RUNDC1: variants seen among roughly 807,000 people sequenced by gnomAD.
The protein encoded by RUNDC1 is RUN domain-containing protein 1.
A neutral mutation model predicts 49.3 loss-of-function variants in RUNDC1; 31 were observed. The observed-to-expected ratio is 0.63, with a 90% CI of 0.47 to 0.85. The LOEUF (loss-of-function observed/expected upper bound fraction) is 0.85. RUNDC1 is among the 40% of genes least tolerant of loss of function. The probability of loss-of-function intolerance (pLI) is 0.00; values close to 1 mark genes in which losing one functional copy is unlikely to be tolerated. For missense variants in RUNDC1, 715 were observed against 806.7 expected, an observed-to-expected ratio of 0.89 and a Z score of 1.38; for synonymous variants, 347 against 348.6, an observed-to-expected ratio of 1.00 and a Z score of 0.05.
In RUNDC1 at chr17:42,991,679, C is replaced by T; in HGVS notation, c.1805C>T (p.Ala602Val). ...SLKFSLPVDL[A>V]VRQLKNIKDA... ...AAGTTTAGCCTCCCTGTAGATCTGG[C>T]TGTGCGCCAGCTCAAAAACATCAAA... Residue 602 changes from alanine to valine, a missense_variant, in exon 5 of 5, where the codon GCT becomes GTT. This residue lies in a region of RUNDC1 where 425 missense variants were observed against 499.7 expected (regional missense o/e 0.85). Transcript: ENST00000361677. The T allele has an allele frequency of 1.2e-6, 2 of 1,613,552 alleles. No individual in the cohort carries two copies.
At chr17:42,984,889 C>CTTTTTTTTTTTTTTTTTTTTTTTT (rs56228523) in intron 1 of RUNDC1, among the ~76,000 whole-genome samples, 8 of 65,314 alleles carry the variant, frequency 1.2e-4, no homozygotes, top group Admixed American at 2.3e-4. Flanking sequence ...TTCTTTCTTT[C>CTTTTTTTTTTTTTTTTTTTTTTTT]TTTTTTTTTT....
chr17:42,986,450 A>G (rs1233763505), intron 1 of RUNDC1, among the ~76,000 whole-genome samples: 1 of 151,938 alleles, frequency 6.6e-6, no homozygotes, highest in Non-Finnish European at 1.5e-5. Context: ...GAAGTGGTCT[A>G]TCGTACATCA....
Position 42,990,344 on chromosome 17 carries a change from G to A in RUNDC1, c.884G>A (p.Gly295Asp), listed in dbSNP as rs1426225571. The change falls in exon 4 of 5, where the codon GGT (glycine) becomes GAT (aspartate). Residue 295 changes from glycine to aspartate, a missense_variant. By Grantham distance (94) the Gly-to-Asp change is moderately conservative (BLOSUM62 -1). This residue lies in a region of RUNDC1 where 425 missense variants were observed against 499.7 expected (regional missense o/e 0.85). Transcript: ENST00000361677. ...GAAGTGGGAAGCCCCTTGCAGACAGGTGGTGGACACTGTGAGTGCAAGGCC... is the reference window on the plus strand; with the variant it reads ...GAAGTGGGAAGCCCCTTGCAGACAGATGGTGGACACTGTGAGTGCAAGGCC... Reference protein sequence around the residue: ...QDEVGSPLQTGGGHCECKAGG... With the variant: ...QDEVGSPLQTDGGHCECKAGG... The A allele has an allele frequency of 6.2e-7, 1 of 1,614,084 alleles. No individual in the cohort carries two copies. The highest frequency in any genetic ancestry group is 8.5e-7 in the Non-Finnish European group (1 of 1,180,000).
In RUNDC1 at chr17:42,980,742, T is replaced by C; in HGVS notation, c.166T>C (p.Phe56Leu). 6.6e-7 allele frequency: 1 copy of C among 1,525,426 alleles called. No individual in the cohort carries two copies. The highest frequency in any genetic ancestry group is 8.8e-7 in the Non-Finnish European group (1 of 1,140,404). 94.5% of individuals were successfully genotyped at this position (1,525,426 alleles called of 1,614,324 possible). The change falls in exon 1 of 5, where the codon TTT (phenylalanine) becomes CTT (leucine). Residue 56 changes from phenylalanine (F) to leucine (L), a missense_variant. This residue lies in a region of RUNDC1 where 153 missense variants were observed against 139.4 expected (regional missense o/e 1.10). Transcript: ENST00000361677. ...GGAGGCCCGGCCTGGGGCAACCGCG[T>C]TTTTAGAAGAGGCGACGGCCGAGGA... ...VAEARPGATA[F>L]LEEATAEEPG...
At chr17:42,984,895 T>C (rs1395166395) in intron 1 of RUNDC1, among the ~76,000 whole-genome samples, 11 of 139,098 alleles carry the variant, frequency 7.9e-5, no homozygotes, top group Middle Eastern at 3.6e-3. Flanking sequence ...CTTTCTTTTT[T>C]TTTTTTTTTT....
chr17:42,980,645 C>A lies in RUNDC1; in HGVS notation c.69C>A (p.Asp23Glu). ...VVAAVGPKAK[D>E]EEEEEEEPLP... ...CGGCTGTTGGGCCAAAGGCGAAAGACGAAGAGGAGGAGGAAGAGGAGCCGC... is the reference window on the plus strand; with the variant it reads ...CGGCTGTTGGGCCAAAGGCGAAAGAAGAAGAGGAGGAGGAAGAGGAGCCGC... The change falls in exon 1 of 5, where the codon GAC becomes GAA. Residue 23 changes from aspartate to glutamate, a missense_variant. Asp to Glu is a conservative substitution (Grantham distance 45). Coordinates refer to ENST00000361677, the MANE Select transcript of RUNDC1 (RefSeq NM_173079.5). The A allele has an allele frequency of 6.2e-7, 1 of 1,601,824 alleles. No homozygotes were observed. The highest frequency in any genetic ancestry group is 8.5e-7 in the Non-Finnish European group (1 of 1,176,600).
intron 1 of RUNDC1, among the ~76,000 whole-genome samples, chr17:42,985,328 C>G (rs929866738): frequency 1.3e-5 from 2 of 152,244 alleles, no homozygotes; most frequent in East Asian, 3.9e-4. Context: ...GAGACAGAAT[C>G]CTAAACAAAT....
intron 3 of RUNDC1, 66 bp downstream of exon 3, chr17:42,989,605 C>T (rs946740134): frequency 5.6e-6 from 8 of 1,428,796 alleles, no homozygotes; most frequent in Non-Finnish European, 5.9e-6. Context: ...ATTCTAAGTA[C>T]TAGTAAAAAG....
chr17:42,985,999 T>A (rs2050166591), intron 1 of RUNDC1, among the ~76,000 whole-genome samples: 1 of 152,066 alleles, frequency 6.6e-6, no homozygotes, highest in South Asian at 2.1e-4. Context: ...TACTCTTTTG[T>A]TTTTGGTTTT....
chr17:42,991,514 A>T lies in RUNDC1; in HGVS notation c.1640A>T (p.Asn547Ile). Residue 547 changes from asparagine to isoleucine, a missense_variant, in exon 5 of 5, where the codon AAT becomes ATT. This residue lies in a region of RUNDC1 where 425 missense variants were observed against 499.7 expected (regional missense o/e 0.85). Coordinates refer to ENST00000361677, the MANE Select transcript of RUNDC1 (RefSeq NM_173079.5). ...ELKALVCMAL[N>I]EQRLVSWVNL... ...AAGGCCTTGGTGTGCATGGCACTGA[A>T]TGAGCAGCGTCTGGTGTCCTGGGTG... 6.2e-7 allele frequency: 1 copy of T among 1,614,134 alleles called. No homozygotes were observed. The highest frequency in any genetic ancestry group is 8.5e-7 in the Non-Finnish European group (1 of 1,180,018).
chr17:42,991,627 A>C lies in RUNDC1; in HGVS notation c.1753A>C (p.Asn585His). The C allele has an allele frequency of 1.2e-6, 2 of 1,614,126 alleles. No individual in the cohort carries two copies. The highest frequency in any genetic ancestry group is 1.7e-6 in the Non-Finnish European group (2 of 1,180,018). Residue 585 changes from asparagine to histidine, a missense_variant, in exon 5 of 5, where the codon AAC becomes CAC. By Grantham distance (68) the Asn-to-His change is moderately conservative (BLOSUM62 1). This residue lies in a region of RUNDC1 where 425 missense variants were observed against 499.7 expected (regional missense o/e 0.85). Transcript: ENST00000361677. Reference sequence around the variant, plus strand: ...ACACACAGGCTTTGAGAGTGCCCTCAACCTGCTCAGTCGCCTCAGCAGCCT... The same window carrying C: ...ACACACAGGCTTTGAGAGTGCCCTCCACCTGCTCAGTCGCCTCAGCAGCCT... Reference protein sequence around the residue: ...MAHTGFESALNLLSRLSSLKF... With the variant: ...MAHTGFESALHLLSRLSSLKF...
In RUNDC1 at chr17:42,987,259, G is replaced by A; in HGVS notation, c.502G>A (p.Glu168Lys). The A allele has an allele frequency of 6.2e-7, 1 of 1,613,988 alleles. No individual in the cohort carries two copies. Among genetic ancestry groups the A allele is most frequent in the Non-Finnish European group, 8.5e-7 (1 of 1,179,918 alleles). The part of the protein sequence containing the change: ...RPWLRGEDQS[E>K]QEKQERLETQ... ...CCCAATTATTTTCTTGCCTTAGAGT[G>A]AGCAGGAAAAGCAAGAGCGTCTGGA... Residue 168 changes from glutamate (E) to lysine (K), a missense_variant, in exon 2 of 5, where the codon GAG (glutamate) becomes AAG (lysine). Coordinates refer to ENST00000361677, the MANE Select transcript of RUNDC1 (RefSeq NM_173079.5).
chr17:42,992,287 G>C lies in RUNDC1; in HGVS notation c.*571G>C, dbSNP rs2050254891. The C allele has an allele frequency of 6.5e-6, 1 of 153,314 alleles. No individual in the cohort carries two copies. The highest frequency in any genetic ancestry group is 6.5e-5 in the Admixed American group (1 of 15,392). 9.5% of individuals were successfully genotyped at this position (153,314 alleles called of 1,614,324 possible). On this transcript the variant is annotated 3_prime_UTR_variant, in exon 5 of 5. Transcript: ENST00000361677. ...GCTTGAGCCTGTATTAAAGGAATCA[G>C]GCCAGGCACAGTGGCTCACGCCTGT... is the stretch of plus-strand genomic sequence containing the variant.
chr17:42,990,386 A>G lies in RUNDC1; in HGVS notation c.926A>G (p.Asn309Ser). The change falls in exon 4 of 5, where the codon AAT (asparagine) becomes AGT (serine). Residue 309 changes from asparagine to serine, a missense_variant. Asn to Ser is a conservative substitution (Grantham distance 46, BLOSUM62 1). This residue lies in a region of RUNDC1 where 425 missense variants were observed against 499.7 expected (regional missense o/e 0.85). Transcript: ENST00000361677. ...CECKAGGKTG[N>S]GCSRTGSSRT... ...TGCAAGGCCGGTGGGAAGACAGGAA[A>G]TGGCTGCAGCAGAACAGGCAGCAGC... 6.2e-7 allele frequency: 1 copy of G among 1,614,082 alleles called. No individual in the cohort carries two copies. The highest frequency in any genetic ancestry group is 2.2e-5 in the East Asian group (1 of 44,886).
chr17:42,983,883 G>T (rs182945684), intron 1 of RUNDC1, among the ~76,000 whole-genome samples: 7 of 151,976 alleles, frequency 4.6e-5, no homozygotes, highest in African/African-American at 1.7e-4. Flanking sequence ...TGTCGGCCAG[G>T]CTGGTCTCGA....
chr17:42,988,878 G>A (rs752714478), intron 2 of RUNDC1, among the ~76,000 whole-genome samples: 1 of 152,132 alleles, frequency 6.6e-6, no homozygotes, highest in Non-Finnish European at 1.5e-5. Context: ...GGGGGAGACC[G>A]AGGCAGAAGG....
chr17:42,984,269 C>T (rs978922408), intron 1 of RUNDC1, among the ~76,000 whole-genome samples: 1 of 151,456 alleles, frequency 6.6e-6, no homozygotes, highest in African/African-American at 2.4e-5. Flanking sequence ...AGCCACTGCA[C>T]CTGGCCCCCA....
chr17:42,989,554 T>A lies in RUNDC1; in HGVS notation c.856+15T>A. 1 of 1,609,730 alleles carries A rather than the reference T, an allele frequency of 6.2e-7. No individual in the cohort carries two copies. The highest frequency in any genetic ancestry group is 8.5e-7 in the Non-Finnish European group (1 of 1,176,022). On this transcript the variant is annotated intron_variant, in intron 3 of 4. Coordinates refer to ENST00000361677, the MANE Select transcript of RUNDC1 (RefSeq NM_173079.5). ...CTTCATCCAAGGTTAGAGGAGGGGA[T>A]GGGATGAGAAGGGTGGACAGGTGTC... is the stretch of plus-strand genomic sequence containing the variant.
rs1179194696 is a variant in RUNDC1, at chr17:42,991,709, C to G, written c.1835C>G (p.Ala612Gly). The change falls in exon 5 of 5, where the codon GCC becomes GGC. Residue 612 changes from alanine to glycine, a missense_variant. Physicochemically the swap from Ala to Gly is moderately conservative, Grantham distance 60 (BLOSUM62 0). Around this residue, in one of 5 missense-constraint regions of RUNDC1, gnomAD observed 425 missense variants for 499.7 expected, o/e 0.85. Transcript: ENST00000361677. ...CGCCAGCTCAAAAACATCAAAGATG[C>G]CTTTTGATGAGAGTGCCCTAACCCC... ...AVRQLKNIKD[A>G]F 2 of 1,609,932 alleles carry G rather than the reference C, an allele frequency of 1.2e-6. No homozygotes were observed. Among genetic ancestry groups the G allele is most frequent in the Non-Finnish European group, 1.7e-6 (2 of 1,178,180 alleles).
Sources: allele counts gnomAD v4.1 joint callset (sites outside exome capture counted in the v4.1 genomes callset), GRCh38; gene constraint gnomAD v4.1.1; regional missense constraint gnomAD v4.1.1; transcripts MANE v1.5; gene names NCBI Gene and HGNC (gene_info 2026-07-23, HGNC 2026-07-21).